The following KIF21A variants were observed in gnomAD, a reference collection of about 807,000 sequenced individuals.
KIF21A encodes kinesin family member 21A, also known as kinesin-like protein KIF21A.
Under a neutral mutation model 202.9 loss-of-function variants are expected in KIF21A, and 114 were observed. The ratio of observed to expected loss-of-function variants is 0.56; its 90% CI spans 0.48 to 0.66. KIF21A has a LOEUF of 0.66. Ranked by LOEUF, KIF21A falls within the 30% of genes least tolerant of loss-of-function variation. The pLI is 0.00. For missense variants in KIF21A, 1,677 were observed against 1,994.9 expected (o/e 0.84, Z 3.04); for synonymous variants, 667 against 670.8 (o/e 0.99, Z 0.09).
chr12:39,387,452 G>C (rs1359495230), intron 1 of KIF21A, among the ~76,000 whole-genome samples: 1 of 152,144 alleles, frequency 6.6e-6, no homozygotes. Flanking sequence ...AGCTTGCCAG[G>C]AGGCTAACAA....
intron 1 of KIF21A, among the ~76,000 whole-genome samples, chr12:39,391,722 A>G (rs1951363352): frequency 6.7e-6 from 1 of 148,846 alleles, no homozygotes; most frequent in South Asian, 2.1e-4. Context: ...AATGCTAAAG[A>G]CTGCAATTTT....
chr12:39,393,228 T>C (rs1158845186), intron 1 of KIF21A, among the ~76,000 whole-genome samples: 3 of 151,894 alleles, frequency 2.0e-5, no homozygotes, highest in African/African-American at 7.3e-5. Flanking sequence ...AGACTTGGTC[T>C]GACTAGACTC....
intron 37 of KIF21A, among the ~76,000 whole-genome samples, chr12:39,298,605 A>G (rs1340938174): frequency 6.6e-6 from 1 of 152,216 alleles, no homozygotes; most frequent in Non-Finnish European, 1.5e-5. Flanking sequence ...GTTAAAAACA[A>G]GTGTTAAAAA....
chr12:39,398,926 A>T (rs1300043249), intron 1 of KIF21A, among the ~76,000 whole-genome samples: 3 of 152,188 alleles, frequency 2.0e-5, no homozygotes, highest in African/African-American at 7.2e-5. Flanking sequence ...TACAAATTTT[A>T]AAAATACAGT....
intron 1 of KIF21A, among the ~76,000 whole-genome samples, chr12:39,424,779 C>T (rs1697512412): frequency 1.3e-5 from 2 of 152,148 alleles, no homozygotes; most frequent in African/African-American, 4.8e-5. Context: ...TAACTGCTTT[C>T]TCACTCATCT....
chr12:39,307,826 C>G (rs1256679699), intron 33 of KIF21A, 97 bp from the exon 34 acceptor site: 3 of 965,732 alleles, frequency 3.1e-6, no homozygotes, highest in East Asian at 2.6e-5. Context: ...TAGGCAACAA[C>G]AAGAACAGTG....
chr12:39,400,449 C>A (rs550748062), intron 1 of KIF21A, among the ~76,000 whole-genome samples: 3 of 152,240 alleles, frequency 2.0e-5, no homozygotes, highest in Admixed American at 6.5e-5. Context: ...TCACCCCAAC[C>A]CCCAACAGGC....
At chr12:39,345,992 A>AT (rs922584606) in intron 12 of KIF21A, among the ~76,000 whole-genome samples, 50 of 151,484 alleles carry the variant, frequency 3.3e-4, no homozygotes, top group East Asian at 5.8e-4. Flanking sequence ...CATTTTAATG[A>AT]TTTTTTTTTC....
intron 16 of KIF21A, among the ~76,000 whole-genome samples, chr12:39,339,313 T>C (rs554358353): frequency 3.9e-4 from 60 of 152,210 alleles, no homozygotes; most frequent in African/African-American, 1.4e-3. Flanking sequence ...TGTTTAGATA[T>C]GTTTAGATAC....
chr12:39,369,102 T>C (rs1949788313), intron 3 of KIF21A, among the ~76,000 whole-genome samples: 1 of 152,170 alleles, frequency 6.6e-6, no homozygotes, highest in Non-Finnish European at 1.5e-5. Flanking sequence ...CTTTTGGCCT[T>C]AGTCATTAAG....
At chr12:39,394,091 T>C (rs1951562686) in intron 1 of KIF21A, among the ~76,000 whole-genome samples, 1 of 152,322 alleles carries the variant, frequency 6.6e-6, no homozygotes, top group African/African-American at 2.4e-5. Context: ...GTCCTCCTCA[T>C]TTTGAATGCT....
intron 1 of KIF21A, among the ~76,000 whole-genome samples, chr12:39,393,671 A>T (rs1378481634): frequency 6.6e-6 from 1 of 152,202 alleles, no homozygotes; most frequent in East Asian, 1.9e-4. Flanking sequence ...TAACTGAGGC[A>T]ATTTTTTAAT....
At chr12:39,302,768 G>A (rs953738978) in intron 36 of KIF21A, among the ~76,000 whole-genome samples, 197 bp downstream of exon 36, 4 of 152,080 alleles carry the variant, frequency 2.6e-5, no homozygotes, top group African/African-American at 9.7e-5. Flanking sequence ...CTTATCTAGC[G>A]GGTATTATTC....
At position 39,358,346 on chromosome 12, in the gene KIF21A, G is replaced by A; in HGVS notation, c.1047C>T (p.Ser349=). 2 of 1,614,008 alleles carry A rather than the reference G, an allele frequency of 1.2e-6. No individual in the cohort carries two copies. Among genetic ancestry groups the A allele is most frequent in the Non-Finnish European group, 1.7e-6 (2 of 1,179,904 alleles). ...TTTCCATAAAGTCTCTGTCTGAAGGGCTGACACATGCTATCATGATTGTTT... is the reference window on the plus strand; with the variant it reads ...TTTCCATAAAGTCTCTGTCTGAAGGACTGACACATGCTATCATGATTGTTT... The part of the protein sequence containing the change: ...NSQTIMIACV[S]PSDRDFMETL... Residue 349 remains serine, a synonymous_variant, in exon 8 of 38, where the codon AGC becomes AGT. Coordinates refer to ENST00000361418, the MANE Select transcript of KIF21A (RefSeq NM_001173464.2).
At chr12:39,385,786 T>C (rs1950902853) in intron 1 of KIF21A, among the ~76,000 whole-genome samples, 2 of 152,270 alleles carry the variant, frequency 1.3e-5, no homozygotes, top group South Asian at 4.1e-4. Context: ...AACTCACAGG[T>C]GAAGACATAA....
At chr12:39,412,151 T>C (rs904630895) in intron 1 of KIF21A, among the ~76,000 whole-genome samples, 4 of 152,196 alleles carry the variant, frequency 2.6e-5, no homozygotes, top group Non-Finnish European at 4.4e-5. Flanking sequence ...TGCATGCTGC[T>C]ACGTTTTTAA....
intron 1 of KIF21A, among the ~76,000 whole-genome samples, chr12:39,381,607 G>A (rs756244408): frequency 1.9e-4 from 29 of 152,052 alleles, no homozygotes; most frequent in Non-Finnish European, 3.7e-4. Flanking sequence ...CCATAATTCT[G>A]TCATCTCCCA....
intron 12 of KIF21A, 35 bp downstream of exon 12, chr12:39,346,429 ACG>A: frequency 7.0e-7 from 1 of 1,422,028 alleles, no homozygotes. Context: ...AAGTATTTAA[ACG>A]ACATTTTAAT....
At chr12:39,337,341 G>T in intron 16 of KIF21A, 138 bp from the exon 17 acceptor site, 1 of 654,182 alleles carries the variant, frequency 1.5e-6, no homozygotes. Context: ...CGTTTAAAGT[G>T]GGCAATTCTT....
Sources: gnomAD v4.1 joint callset for allele counts (sites outside exome capture counted in the v4.1 genomes callset) on GRCh38, gnomAD v4.1.1 for gene constraint, MANE v1.5 for transcripts, NCBI Gene and HGNC (gene_info 2026-07-23, HGNC 2026-07-21) for gene names.